The following TUB variants were observed in gnomAD, a reference collection of about 807,000 sequenced individuals.
TUB encodes TUB bipartite transcription factor.
In TUB, 33 loss-of-function variants were observed where a neutral mutation model predicts 59.7. That is an observed-to-expected ratio of 0.55 (90% CI 0.42 to 0.74). TUB has a LOEUF of 0.74. TUB is among the 30% of genes least tolerant of loss of function. The probability of loss-of-function intolerance (pLI) is 0.00; values close to 1 mark genes in which losing one functional copy is unlikely to be tolerated. For missense variants in TUB, 659 were observed against 672.0 expected (o/e 0.98, Z 0.21); for synonymous variants, 293 against 256.4 (o/e 1.14, Z -1.36).
At chr11:8,043,914 C>G (rs1942790948) in intron 2 of TUB, among the ~76,000 whole-genome samples, 1 of 152,112 alleles carries the variant, frequency 6.6e-6, no homozygotes. Context: ...CTTGCCTAAT[C>G]ATCTTGGCTA....
At chr11:8,025,240 C>T (rs1942484904) in intron 1 of TUB, among the ~76,000 whole-genome samples, 1 of 152,062 alleles carries the variant, frequency 6.6e-6, no homozygotes, top group Non-Finnish European at 1.5e-5. Context: ...AGTCTGACAG[C>T]ATGGGCATGC....
chr11:8,056,329 T>A (rs1022791650), intron 2 of TUB, among the ~76,000 whole-genome samples: 9 of 152,116 alleles, frequency 5.9e-5, no homozygotes, highest in African/African-American at 2.2e-4. Context: ...CATATGGGAA[T>A]GCCTTGAGTG....
chr11:8,085,179 G>C (rs890622034), intron 1 of TUB, among the ~76,000 whole-genome samples: 3 of 152,180 alleles, frequency 2.0e-5, no homozygotes, highest in Non-Finnish European at 4.4e-5. Flanking sequence ...TGATTTTCTT[G>C]TTGTTCTTTA....
chr11:8,101,080 T>C (rs1944277851), intron 11 of TUB, 83 bp downstream of exon 11: 1 of 1,484,456 alleles, frequency 6.7e-7, no homozygotes, highest in African/African-American at 1.4e-5. Context: ...TAGCCCTGCC[T>C]ACACTGGCTA....
intron 1 of TUB, among the ~76,000 whole-genome samples, chr11:8,020,380 G>T (rs1469137533): frequency 6.6e-6 from 1 of 151,982 alleles, no homozygotes; most frequent in Non-Finnish European, 1.5e-5. Flanking sequence ...CTGCATCTTC[G>T]ACAGCCCTTG....
chr11:8,104,126 C>T lies in TUB; in HGVS notation c.*2507C>T, dbSNP rs960026526. ...TGGACTCGTAAAGCTGCTAGGGCCC[C>T]TAGAAACCACCTGGGTTCAGCCTCT... On this transcript the variant is annotated 3_prime_UTR_variant, in exon 12 of 12. Transcript: ENST00000299506. The T allele has an allele frequency of 6.6e-6, 1 of 152,298 alleles. No individual in the cohort carries two copies. The highest frequency in any genetic ancestry group is 6.5e-5 in the Admixed American group (1 of 15,284). The allele number at this position is 152,298 out of a possible 1,614,324, so 9.4% of individuals were successfully genotyped here. A position where few individuals can be genotyped will look rare whatever the true frequency, so the allele number is the denominator to read the frequency against.
At chr11:8,034,112 A>G (rs1237289409), upstream of TUB, among the ~76,000 whole-genome samples, 1 of 152,172 alleles carries the variant, frequency 6.6e-6, no homozygotes, top group Non-Finnish European at 1.5e-5. Flanking sequence ...AGCTCAGGCC[A>G]TTCCAAGAGC....
At chr11:8,082,578 C>T (rs1364050109) in intron 1 of TUB, among the ~76,000 whole-genome samples, 1 of 152,172 alleles carries the variant, frequency 6.6e-6, no homozygotes, top group African/African-American at 2.4e-5. Flanking sequence ...TATTGTCGAC[C>T]CAGGTGCACG....
At chr11:8,034,480 C>G (rs1216415108), upstream of TUB, among the ~76,000 whole-genome samples, 1 of 152,132 alleles carries the variant, frequency 6.6e-6, no homozygotes, top group East Asian at 1.9e-4. Flanking sequence ...GATCATCTAC[C>G]TCATGGGCTG....
chr11:8,091,885 G>C (rs912401498), intron 3 of TUB, among the ~76,000 whole-genome samples: 1 of 152,226 alleles, frequency 6.6e-6, no homozygotes, highest in Non-Finnish European at 1.5e-5. Flanking sequence ...TGGGTCATAT[G>C]GCGTGTGGCC....
At chr11:8,061,855 A>G (rs1449266077) in intron 2 of TUB, among the ~76,000 whole-genome samples, 1 of 152,032 alleles carries the variant, frequency 6.6e-6, no homozygotes, top group Non-Finnish European at 1.5e-5. Context: ...AGGGGGGCCC[A>G]GTAGAAGTGA....
intron 1 of TUB, among the ~76,000 whole-genome samples, chr11:8,021,600 C>G (rs1290015068): frequency 6.6e-6 from 1 of 152,054 alleles, no homozygotes; most frequent in Non-Finnish European, 1.5e-5. Flanking sequence ...TTCTGGAACT[C>G]TAGTCTTCCA....
intron 2 of TUB, among the ~76,000 whole-genome samples, chr11:8,053,609 T>C (rs1352516205): frequency 2.0e-5 from 3 of 151,114 alleles, no homozygotes; most frequent in African/African-American, 7.3e-5. Context: ...CACGCCATTC[T>C]CCTGCCTCAG....
In TUB at chr11:8,101,418, C is replaced by T. The variant is rs563444890; in HGVS notation, c.1388-68C>T. ...TCCCTCATGTGGTTTGGGTGTCTGT[C>T]TATCCTTCCCTGGCTCTACCATTCC... On this transcript the variant is annotated intron_variant, in intron 11 of 11. Coordinates refer to ENST00000299506, the MANE Select transcript of TUB (RefSeq NM_177972.3). 1.1e-5 allele frequency: 17 copies of T among 1,594,820 alleles called. No individual in the cohort carries two copies. The Admixed American group carries it at 1.7e-4, about 16-fold the overall frequency.
At chr11:8,098,924 CCAG>C (rs1199486228) in intron 9 of TUB, 49 bp downstream of exon 9, 2 of 1,382,184 alleles carry the variant, frequency 1.4e-6, no homozygotes, top group African/African-American at 2.8e-5. Context: ...GATATGAAAT[CCAG>C]GACTTGATGC....
rs994420972 is a variant in TUB at position 8,105,194 on chromosome 11, T to C, written c.*3575T>C. On this transcript the variant is annotated 3_prime_UTR_variant, in exon 12 of 12. Coordinates refer to ENST00000299506, the MANE Select transcript of TUB (RefSeq NM_177972.3). ...GCAGTAACACTGGCCTTCCCTTCTC[T>C]AATTCCTTACCCCAGCTGCGGCATC... 3.3e-5 allele frequency: 5 copies of C among 151,440 alleles called. No homozygotes were observed. The highest frequency in any genetic ancestry group is 4.9e-5 in the African/African-American group (2 of 40,674). The allele number at this position is 151,440 out of a possible 1,614,324, so 9.4% of individuals were successfully genotyped here.
At chr11:8,033,063 G>T (rs1477917517) in intron 1 of TUB, among the ~76,000 whole-genome samples, 2 of 152,294 alleles carry the variant, frequency 1.3e-5, no homozygotes, top group African/African-American at 2.4e-5. Flanking sequence ...CTGCCGAACA[G>T]ATAATTAGAG....
intron 3 of TUB, 123 bp downstream of exon 3, chr11:8,090,354 C>T: frequency 7.4e-7 from 1 of 1,346,030 alleles, no homozygotes; most frequent in Non-Finnish European, 1.0e-6. Flanking sequence ...GGCTTCCAGC[C>T]CAGGCAGACA....
chr11:8,022,844 G>C (rs893652605), intron 1 of TUB, among the ~76,000 whole-genome samples: 1 of 152,098 alleles, frequency 6.6e-6, no homozygotes, highest in East Asian at 1.9e-4. Flanking sequence ...CAGTGCAGTG[G>C]AGATCGTGCC....
Sources: allele counts gnomAD v4.1 joint callset (sites outside exome capture counted in the v4.1 genomes callset), GRCh38; gene constraint gnomAD v4.1.1; transcripts MANE v1.5; gene names NCBI Gene and HGNC (gene_info 2026-07-23, HGNC 2026-07-21).